The following DNAH12 variants were observed in gnomAD, a reference collection of about 807,000 sequenced individuals.
The protein encoded by DNAH12 is dynein axonemal heavy chain 12.
DNAH12 carries 285 observed loss-of-function variants against 371.5 expected under a neutral mutation model. The observed-to-expected ratio is 0.77, with a 90% confidence interval of 0.70 to 0.85. The LOEUF (loss-of-function observed/expected upper bound fraction) is 0.85. Ranked by LOEUF, DNAH12 falls within the 40% of genes least tolerant of loss-of-function variation. The pLI is 0.00. For missense variants in DNAH12, 3,611 were observed against 3,689.4 expected, an observed-to-expected ratio of 0.98 and a Z score of 0.55; for synonymous variants, 1,200 against 1,213.0, an observed-to-expected ratio of 0.99 and a Z score of 0.22.
intron 43 of DNAH12, among the ~76,000 whole-genome samples, chr3:57,396,290 C>CAAAAAAAAA (rs1159748997): frequency 3.5e-4 from 24 of 68,708 alleles, no homozygotes; most frequent in East Asian, 4.4e-4. Flanking sequence ...AAAAAAAAAA[C>CAAAAAAAAA]AAAAAAAAAA....
Position 57,310,871 on chromosome 3 carries a change from A to G in DNAH12, c.10742T>C (p.Val3581Ala). The G allele has an allele frequency of 6.4e-7, 1 of 1,551,376 alleles. No individual in the cohort carries two copies. The highest frequency in any genetic ancestry group is 2.4e-5 in the East Asian group (1 of 40,908). Residue 3581 changes from valine (V) to alanine (A), a missense_variant, in exon 67 of 74, where the codon GTG becomes GCG. Transcript: ENST00000495027. ...LTGECNYGGR[V>A]TDDWDRRLLL... ...AAGACGTCTGTCCCAATCGTCTGTC[A>G]CTCTTCCTCCATAATTACACTCCCC... is the stretch of plus-strand genomic sequence containing the variant.
At position 57,544,315 on chromosome 3, in the gene DNAH12, C is replaced by G. The variant is rs1043264788; in HGVS notation, c.-152G>C. On this transcript the variant is annotated 5_prime_UTR_variant, in exon 1 of 74. Transcript: ENST00000495027. ...GAGGGAGAAACCTCCGGAACGCCAC[C>G]GGCTCTCAAACGAGTAGCTGGAGAA... 2.6e-5 allele frequency: 4 copies of G among 152,302 alleles called. No homozygotes were observed. Among genetic ancestry groups the G allele is most frequent in the African/African-American group, 9.6e-5 (4 of 41,578 alleles). The allele number at this position is 152,302 out of a possible 1,614,324, so 9.4% of individuals were successfully genotyped here.
chr3:57,351,576 G>C (rs566240115), intron 60 of DNAH12, among the ~76,000 whole-genome samples: 2 of 152,272 alleles, frequency 1.3e-5, no homozygotes, highest in East Asian at 3.9e-4. Flanking sequence ...CTGTAAAGCA[G>C]TCAAAACAAA....
chr3:57,452,987 C>T lies in DNAH12; in HGVS notation c.3642G>A (p.Trp1214Ter). The T allele has an allele frequency of 6.5e-7, 1 of 1,549,600 alleles. No homozygotes were observed. ...MGVSHDTDFL[W>*]LAQLRYYWEN... The stretch of plus-strand genomic sequence containing the variant: ...CCCAATAATATCGGAGCTGAGCAAG[C>T]CACAGGAAATCTGTATCATGTGAGA... The change falls in exon 25 of 74, where the codon TGG (tryptophan) becomes TGA (stop). Residue 1214 changes from tryptophan (W) to a stop codon, truncating the protein, a stop_gained. Transcript: ENST00000495027. LOFTEE classifies it high-confidence loss of function.
At chr3:57,439,991 A>G (rs537958828) in intron 29 of DNAH12, among the ~76,000 whole-genome samples, 9 of 152,308 alleles carry the variant, frequency 5.9e-5, no homozygotes, top group African/African-American at 2.2e-4. Context: ...CATCTCATAC[A>G]AGTCAGAATG....
chr3:57,307,667 A>G (rs979272939), intron 69 of DNAH12, among the ~76,000 whole-genome samples: 1 of 152,114 alleles, frequency 6.6e-6, no homozygotes, highest in Admixed American at 6.5e-5. Context: ...TGGCTCCTTC[A>G]GCTGTACTCA....
intron 69 of DNAH12, among the ~76,000 whole-genome samples, chr3:57,302,807 C>T (rs917315788): frequency 6.7e-6 from 1 of 148,808 alleles, no homozygotes; most frequent in Non-Finnish European, 1.5e-5. Flanking sequence ...AACTCCTGAC[C>T]TCAGGTGATT....
At chr3:57,538,492 T>C (rs2153402419) in intron 2 of DNAH12, among the ~76,000 whole-genome samples, 1 of 152,340 alleles carries the variant, frequency 6.6e-6, no homozygotes, top group South Asian at 2.1e-4. Flanking sequence ...AACCCTTTGA[T>C]TTGTGTTGAG....
In DNAH12 at chr3:57,499,643, AAAAAAT is replaced by A. The variant is rs1191622290; in HGVS notation, c.1335+1672_1335+1677del. ...ACACCATCTCTACAAAAAAAAAAAA[AAAAAAT>A]ATATATATATATATATATATATATA... On this transcript the variant is annotated intron_variant, in intron 11 of 73. Coordinates refer to ENST00000495027, the MANE Select transcript of DNAH12 (RefSeq NM_001366028.2). 2.6e-3 allele frequency among the ~76,000 whole-genome samples: 63 copies of A among 24,596 alleles called. 1 individual carries two copies. The highest frequency in any genetic ancestry group is 5.2e-3 in the Admixed American group (16 of 3,084). 16.1% of individuals were successfully genotyped at this position (24,596 alleles called of 152,430 possible). A position where few individuals can be genotyped will look rare whatever the true frequency, so the allele number is the denominator to read the frequency against.
intron 58 of DNAH12, among the ~76,000 whole-genome samples, chr3:57,362,272 G>A (rs2062954432): frequency 6.6e-6 from 1 of 152,170 alleles, no homozygotes; most frequent in Admixed American, 6.5e-5. Context: ...ATCATTGATG[G>A]ACATTTGGGT....
intron 4 of DNAH12, among the ~76,000 whole-genome samples, chr3:57,515,139 G>T (rs901597624): frequency 6.6e-6 from 1 of 152,066 alleles, no homozygotes; most frequent in Non-Finnish European, 1.5e-5. Context: ...GAGAGAGAGA[G>T]AGAGAAATAA....
chr3:57,321,310 T>A (rs967166889), intron 65 of DNAH12, among the ~76,000 whole-genome samples: 2 of 152,174 alleles, frequency 1.3e-5, no homozygotes, highest in African/African-American at 4.8e-5. Flanking sequence ...ACAGAAAGTG[T>A]CATTAAGCAG....
chr3:57,367,919 A>T, intron 56 of DNAH12, 127 bp downstream of exon 56: 1 of 152,346 alleles, frequency 6.6e-6, no homozygotes, highest in South Asian at 2.1e-4. Context: ...CCTTTCACTC[A>T]TAACAATGAG....
chr3:57,342,225 A>T (rs926444303), intron 60 of DNAH12, among the ~76,000 whole-genome samples: 52 of 152,176 alleles, frequency 3.4e-4, no homozygotes, highest in African/African-American at 1.1e-3. Context: ...TATGAATAAG[A>T]ACTCAAAAGT....
At position 57,305,856 on chromosome 3, in the gene DNAH12, C is replaced by T. The variant is rs554536336; in HGVS notation, c.11189+3295G>A. ...GCAATTCCTTGCCTCCACTGTGAGA[C>T]AAACCCCAGCCACGTCTCCAGCACA... On this transcript the variant is annotated intron_variant, in intron 69 of 73. Transcript: ENST00000495027. Among the ~76,000 whole-genome samples, 4 of 152,256 alleles carry T rather than the reference C, an allele frequency of 2.6e-5. No individual in the cohort carries two copies. The East Asian group carries it at 7.7e-4, about 29-fold the overall frequency.
chr3:57,449,753 G>T (rs1575617600), intron 25 of DNAH12, among the ~76,000 whole-genome samples: 1 of 152,200 alleles, frequency 6.6e-6, no homozygotes, highest in Admixed American at 6.5e-5. Context: ...GCAAGCTGAG[G>T]GAGTGGGCTC....
intron 4 of DNAH12, among the ~76,000 whole-genome samples, chr3:57,521,799 A>G (rs1156535922): frequency 1.3e-5 from 2 of 152,136 alleles, no homozygotes; most frequent in Non-Finnish European, 2.9e-5. Flanking sequence ...AGGCAGAAGA[A>G]TCGCTTGAAC....
rs2065858587 is a variant in DNAH12, at chr3:57,454,843, C to T, written c.3388G>A (p.Val1130Ile). Residue 1130 changes from valine to isoleucine, a missense_variant, in exon 23 of 74, where the codon GTT becomes ATT. By Grantham distance (29) the Val-to-Ile change is conservative. Transcript: ENST00000495027. ...AACATTTGAGAAATACAAAGTACAA[C>T]TTGGCCAGGCCACTCTCGAACCCAG... is the stretch of plus-strand genomic sequence containing the variant. Reference protein sequence around the residue: ...RDWVREWPGQVVLCISQMFWT... With the variant: ...RDWVREWPGQIVLCISQMFWT... 6.4e-7 allele frequency: 1 copy of T among 1,551,344 alleles called. No homozygotes were observed. Among genetic ancestry groups the T allele is most frequent in the African/African-American group, 1.4e-5 (1 of 73,170 alleles).
intron 8 of DNAH12, 128 bp downstream of exon 8, chr3:57,507,515 A>G: frequency 1.4e-6 from 1 of 714,322 alleles, no homozygotes; most frequent in Non-Finnish European, 2.0e-6. Flanking sequence ...AAATTATTAA[A>G]ATAAAATTAC....
Sources: gnomAD v4.1 joint callset for allele counts (sites outside exome capture counted in the v4.1 genomes callset) on GRCh38, gnomAD v4.1.1 for gene constraint, MANE v1.5 for transcripts, NCBI Gene and HGNC (gene_info 2026-07-23, HGNC 2026-07-21) for gene names.